CYB5R3: variants seen among roughly 807,000 people sequenced by gnomAD.
The protein encoded by CYB5R3 is cytochrome b5 reductase 3.
Under a neutral mutation model 36.5 loss-of-function variants are expected in CYB5R3, and 28 were observed. The ratio of observed to expected loss-of-function variants is 0.77; its 90% CI spans 0.57 to 1.05. The LOEUF (loss-of-function observed/expected upper bound fraction) is 1.05. Ranked by LOEUF, CYB5R3 falls within the 50% of genes least tolerant of loss-of-function variation. CYB5R3 has a pLI of 0.00. For synonymous variants in CYB5R3, 181 were observed against 159.8 expected (o/e 1.13, Z -1.00); for missense variants, 474 against 408.9 (o/e 1.16, Z -1.37).
At position 42,639,251 on chromosome 22, in the gene CYB5R3, G is replaced by C. The variant is rs148746072; in HGVS notation, c.22-2405C>G. Among the ~76,000 whole-genome samples the C allele has an allele frequency of 8.6e-4, 130 of 151,970 alleles. No individual in the cohort carries two copies. The East Asian group carries it at 0.02, about 23-fold the overall frequency. On this transcript the variant is annotated intron_variant, in intron 1 of 8. Transcript: ENST00000352397. ...GAGCAGGAGAATCATCTGAACCTGGGAGGCGGAGGTAGCAGTGAGCTGAGA... is the reference window on the plus strand; with the variant it reads ...GAGCAGGAGAATCATCTGAACCTGGCAGGCGGAGGTAGCAGTGAGCTGAGA...
chr22:42,649,152 C>A (rs1043129631), intron 1 of CYB5R3, 143 bp downstream of exon 1: 9 of 226,662 alleles, frequency 4.0e-5, no homozygotes, highest in Admixed American at 1.9e-4. Context: ...TGGGGTGGGG[C>A]GCGGCGGGCT....
intron 1 of CYB5R3, among the ~76,000 whole-genome samples, chr22:42,637,615 G>A (rs932011021): frequency 6.6e-6 from 1 of 152,090 alleles, no homozygotes; most frequent in East Asian, 1.9e-4. Flanking sequence ...AGTGGACCAG[G>A]TGATCTGCAA....
At chr22:42,647,089 G>A (rs767754968) in intron 1 of CYB5R3, 15 of 545,486 alleles carry the variant, frequency 2.7e-5, no homozygotes, top group Non-Finnish European at 3.5e-5. Flanking sequence ...TAGAGCACCA[G>A]GCCCCCAGCC....
At chr22:42,635,345 C>T (rs771620789) in intron 2 of CYB5R3, among the ~76,000 whole-genome samples, 1 of 151,654 alleles carries the variant, frequency 6.6e-6, no homozygotes, top group Non-Finnish European at 1.5e-5. Context: ...ACCTCATGAT[C>T]TGCCCTCCTC....
At position 42,636,753 on chromosome 22, in the gene CYB5R3, G is replaced by T; in HGVS notation, c.115C>A (p.Pro39Thr). 1 of 1,613,624 alleles carries T rather than the reference G, an allele frequency of 6.2e-7. No individual in the cohort carries two copies. The highest frequency in any genetic ancestry group is 8.5e-7 in the Non-Finnish European group (1 of 1,179,994). Residue 39 changes from proline to threonine, a missense_variant, in exon 2 of 9, where the codon CCG becomes ACG. Coordinates refer to ENST00000352397, the MANE Select transcript of CYB5R3 (RefSeq NM_000398.7). ...RSTPAITLES[P>T]DIKYPLRLID... The stretch of plus-strand genomic sequence containing the variant: ...AGCCGCAGCGGGTACTTGATGTCCG[G>T]GCTCTCGAGGGTGATGGCTGGCGTG...
chr22:42,630,168 G>A (rs737732), intron 4 of CYB5R3, among the ~76,000 whole-genome samples: 66 of 152,146 alleles, frequency 4.3e-4, no homozygotes, highest in East Asian at 7.7e-4. Context: ...CTTCCCACTC[G>A]GCATGTGTGT....
At chr22:42,625,655 G>A (rs1228769873) in intron 7 of CYB5R3, among the ~76,000 whole-genome samples, 2 of 152,074 alleles carry the variant, frequency 1.3e-5, no homozygotes, top group East Asian at 1.9e-4. Flanking sequence ...GCTGCTACTC[G>A]AGGGTAGGGG....
chr22:42,645,235 T>C (rs1929483957), intron 1 of CYB5R3, among the ~76,000 whole-genome samples: 1 of 152,192 alleles, frequency 6.6e-6, no homozygotes. Context: ...TCGTCACCAC[T>C]GTATCCCCAA....
chr22:42,635,345 C>G (rs771620789), intron 2 of CYB5R3, among the ~76,000 whole-genome samples: 2 of 151,654 alleles, frequency 1.3e-5, no homozygotes, highest in Non-Finnish European at 2.9e-5. Flanking sequence ...ACCTCATGAT[C>G]TGCCCTCCTC....
At chr22:42,636,207 A>C (rs1601942466) in intron 2 of CYB5R3, among the ~76,000 whole-genome samples, 1 of 151,728 alleles carries the variant, frequency 6.6e-6, no homozygotes, top group African/African-American at 2.4e-5. Context: ...ACAGGGCAAG[A>C]CTCTGTCTCA....
rs533250522 is a variant in CYB5R3 at position 42,641,445 on chromosome 22, T to C, written c.22-4599A>G. ...CCTCAACCTCCCAAGTAGCTGGGAT[T>C]ACAGGCGCACGCCACCACACTTGGC... On this transcript the variant is annotated intron_variant, in intron 1 of 8. Coordinates refer to ENST00000352397, the MANE Select transcript of CYB5R3 (RefSeq NM_000398.7). 8.0e-4 allele frequency among the ~76,000 whole-genome samples: 121 copies of C among 151,998 alleles called. 1 individual carries two copies. Among genetic ancestry groups the C allele is most frequent in the African/African-American group, 2.9e-3 (119 of 41,462 alleles).
intron 1 of CYB5R3, among the ~76,000 whole-genome samples, chr22:42,645,176 C>G (rs950047801): frequency 3.3e-5 from 5 of 152,144 alleles, no homozygotes; most frequent in Non-Finnish European, 7.3e-5. Context: ...GCCGGCTCCC[C>G]ACAAGTCTCC....
At chr22:42,639,059 G>A (rs1006333975) in intron 1 of CYB5R3, 10 of 427,006 alleles carry the variant, frequency 2.3e-5, no homozygotes, top group Admixed American at 1.1e-4. Flanking sequence ...GCCAGGCGCT[G>A]TAGCTCACAC....
chr22:42,631,470 T>C lies in CYB5R3; in HGVS notation c.154-20A>G, dbSNP rs112713837. ...GATGATCTGGAGAGAGGCCCAAAGC[T>C]GCTGAACGGTCCCCAGGGCAGAGGC... On this transcript the variant is annotated intron_variant, in intron 2 of 8. Coordinates refer to ENST00000352397, the MANE Select transcript of CYB5R3 (RefSeq NM_000398.7). The C allele has an allele frequency of 2.6e-6, 4 of 1,551,190 alleles. No individual in the cohort carries two copies. The African/African-American group carries it at 4.1e-5, about 16-fold the overall frequency.
In CYB5R3 at chr22:42,638,728, T is replaced by TAAAAAAAAAAAAAAAAAA. The variant is rs67349863; in HGVS notation, c.22-1900_22-1883dup. Among the ~76,000 whole-genome samples, 71 of 47,504 alleles carry TAAAAAAAAAAAAAAAAAA rather than the reference T, an allele frequency of 1.5e-3. 6 individuals carry two copies. Among genetic ancestry groups the TAAAAAAAAAAAAAAAAAA allele is most frequent in the South Asian group, 2.9e-3 (3 of 1,022 alleles). The allele number at this position is 47,504 out of a possible 152,430, so 31.2% of individuals were successfully genotyped here. A position where few individuals can be genotyped will look rare whatever the true frequency, so the allele number is the denominator to read the frequency against. On this transcript the variant is annotated intron_variant, in intron 1 of 8. Transcript: ENST00000352397. ...GCCTGGGAGACAGAGCAAGACTCCA[T>TAAAAAAAAAAAAAAAAAA]AAAAAAAAAAAAAAAAAAAAAAGGC... is the stretch of plus-strand genomic sequence containing the variant.
At chr22:42,644,479 G>T in intron 1 of CYB5R3, 1 of 988,278 alleles carries the variant, frequency 1.0e-6, no homozygotes, top group Non-Finnish European at 1.5e-6. Flanking sequence ...TCCTTGCTCT[G>T]CATGCATCCA....
At chr22:42,646,201 G>C (rs749181421) in intron 1 of CYB5R3, among the ~76,000 whole-genome samples, 1 of 152,114 alleles carries the variant, frequency 6.6e-6, no homozygotes, top group Non-Finnish European at 1.5e-5. Flanking sequence ...CCTGTGCTGC[G>C]TGCACACTCA....
chr22:42,627,594 G>T lies in CYB5R3; in HGVS notation c.547+11C>A, dbSNP rs775343156. ...GAGCCGCCGGACGCCTCAGTGGGGG[G>T]TTCCGTGTACCTGTCCCTCCCGCGA... On this transcript the variant is annotated intron_variant, in intron 6 of 8. Coordinates refer to ENST00000352397, the MANE Select transcript of CYB5R3 (RefSeq NM_000398.7). 6.2e-7 allele frequency: 1 copy of T among 1,612,534 alleles called. No individual in the cohort carries two copies. Among genetic ancestry groups the T allele is most frequent in the East Asian group, 2.2e-5 (1 of 44,862 alleles).
At chr22:42,620,893 C>T (rs562390318) in intron 8 of CYB5R3, among the ~76,000 whole-genome samples, 1 of 152,266 alleles carries the variant, frequency 6.6e-6, no homozygotes, top group South Asian at 2.1e-4. Context: ...ACATTATAGT[C>T]CGTTTTTGTA....
Sources: gnomAD v4.1 joint callset for allele counts (sites outside exome capture counted in the v4.1 genomes callset) on GRCh38, gnomAD v4.1.1 for gene constraint, MANE v1.5 for transcripts, NCBI Gene and HGNC (gene_info 2026-07-23, HGNC 2026-07-21) for gene names.